ST6GALNAC3: variants seen among roughly 807,000 people sequenced by gnomAD.
ST6GALNAC3 encodes the protein ST6 N-acetylgalactosaminide alpha-2,6-sialyltransferase 3.
A neutral mutation model predicts 32.7 loss-of-function variants in ST6GALNAC3; 25 were observed. The ratio of observed to expected loss-of-function variants is 0.76; its 90% CI spans 0.56 to 1.07. The LOEUF (loss-of-function observed/expected upper bound fraction) is 1.07, where lower values mean the gene tolerates loss of function less well. Among genes scored for constraint, ST6GALNAC3 ranks in the 50% least tolerant of loss-of-function variants. ST6GALNAC3 has a pLI of 0.00. For missense variants in ST6GALNAC3, 355 were observed against 382.4 expected, an observed-to-expected ratio of 0.93 and a Z score of 0.60; for synonymous variants, 129 against 133.1, an observed-to-expected ratio of 0.97 and a Z score of 0.21.
intron 3 of ST6GALNAC3, among the ~76,000 whole-genome samples, chr1:76,434,931 C>T (rs1322992284): frequency 2.0e-5 from 3 of 151,758 alleles, no homozygotes; most frequent in Non-Finnish European, 2.9e-5. Context: ...GCTGGGACTA[C>T]AGGCATGCAT....
At chr1:76,219,777 G>A (rs1325447365) in intron 1 of ST6GALNAC3, among the ~76,000 whole-genome samples, 2 of 152,120 alleles carry the variant, frequency 1.3e-5, no homozygotes, top group African/African-American at 4.8e-5. Flanking sequence ...CAAATTCTGT[G>A]GTTGAAAAGG....
chr1:76,372,072 C>A (rs1013041215), intron 2 of ST6GALNAC3, among the ~76,000 whole-genome samples: 1 of 152,104 alleles, frequency 6.6e-6, no homozygotes, highest in Non-Finnish European at 1.5e-5. Context: ...CTAGCCTTAT[C>A]TGGGGAGAAC....
chr1:76,241,074 C>T (rs1656934104), intron 1 of ST6GALNAC3, among the ~76,000 whole-genome samples: 1 of 152,140 alleles, frequency 6.6e-6, no homozygotes, highest in South Asian at 2.1e-4. Flanking sequence ...TACTCACTTG[C>T]AAAATGTGTC....
At chr1:76,277,561 TATATATAC>T (rs1369100050) in intron 1 of ST6GALNAC3, among the ~76,000 whole-genome samples, 1 of 66,860 alleles carries the variant, frequency 1.5e-5, no homozygotes, top group Non-Finnish European at 2.8e-5. Flanking sequence ...TATATATATA[TATATATAC>T]ACACACACAT....
In ST6GALNAC3 at chr1:76,600,400, C is replaced by A. The variant is rs142402649; in HGVS notation, c.624-27052C>A. 1.7e-3 allele frequency among the ~76,000 whole-genome samples: 254 copies of A among 148,970 alleles called. 3 individuals carry two copies. The highest frequency in any genetic ancestry group is 2.2e-4 in the Non-Finnish European group (15 of 67,340). On this transcript the variant is annotated intron_variant, in intron 3 of 4. Transcript: ENST00000328299. The stretch of plus-strand genomic sequence containing the variant: ...TAGTCTGGAAATGGGACCGCCTTCA[C>A]CTTTCCCAAGTGAAAAGTCAAATTT...
intron 1 of ST6GALNAC3, among the ~76,000 whole-genome samples, chr1:76,245,328 CTTT>C (rs1311704445): frequency 6.6e-6 from 1 of 151,958 alleles, no homozygotes; most frequent in Non-Finnish European, 1.5e-5. Context: ...CTCTTTTCTT[CTTT>C]ATTAGTCTAG....
intron 1 of ST6GALNAC3, among the ~76,000 whole-genome samples, chr1:76,086,943 C>G (rs982084952): frequency 2.6e-5 from 4 of 152,156 alleles, no homozygotes; most frequent in African/African-American, 9.7e-5. Context: ...AAAATTCATT[C>G]CCCAGAACCA....
intron 1 of ST6GALNAC3, among the ~76,000 whole-genome samples, chr1:76,162,503 A>G (rs1651874878): frequency 1.3e-5 from 2 of 152,192 alleles, no homozygotes; most frequent in African/African-American, 2.4e-5. Flanking sequence ...TTAATTAGCT[A>G]TTTTAAGCCC....
At chr1:76,536,654 CAAAAAAA>C (rs35157329) in intron 3 of ST6GALNAC3, among the ~76,000 whole-genome samples, 2 of 57,620 alleles carry the variant, frequency 3.5e-5, no homozygotes, top group East Asian at 6.9e-4. Context: ...AAATGGAAAG[CAAAAAAA>C]AAAAAAAAAA....
intron 1 of ST6GALNAC3, among the ~76,000 whole-genome samples, chr1:76,311,622 A>G (rs929590497): frequency 1.3e-5 from 2 of 151,894 alleles, no homozygotes; most frequent in Non-Finnish European, 2.9e-5. Flanking sequence ...ATCCTTTTTT[A>G]TGGCTGTGTA....
At chr1:76,112,867 C>G (rs1648154169) in intron 1 of ST6GALNAC3, among the ~76,000 whole-genome samples, 1 of 151,452 alleles carries the variant, frequency 6.6e-6, no homozygotes, top group Admixed American at 6.6e-5. Context: ...GGCAGCCAGG[C>G]AGAGAGGCTC....
intron 2 of ST6GALNAC3, among the ~76,000 whole-genome samples, chr1:76,383,987 A>G (rs1003174900): frequency 1.3e-5 from 2 of 152,166 alleles, no homozygotes. Flanking sequence ...GGAGAAAAAT[A>G]TAGGACCAAA....
At chr1:76,307,275 G>T (rs1661118046) in intron 1 of ST6GALNAC3, among the ~76,000 whole-genome samples, 1 of 152,094 alleles carries the variant, frequency 6.6e-6, no homozygotes, top group South Asian at 2.1e-4. Context: ...GATACACCCA[G>T]ATTTTTGATT....
chr1:76,121,235 C>G (rs1648851160), intron 1 of ST6GALNAC3, among the ~76,000 whole-genome samples: 1 of 152,194 alleles, frequency 6.6e-6, no homozygotes, highest in South Asian at 2.1e-4. Context: ...CAATCTTCTG[C>G]TTACTACAAG....
intron 3 of ST6GALNAC3, 137 bp from the exon 4 acceptor site, chr1:76,627,315 A>G (rs1649026738): frequency 3.2e-6 from 2 of 618,630 alleles, no homozygotes; most frequent in East Asian, 5.2e-5. Flanking sequence ...CATATTGTCA[A>G]GTTTCTCAAC....
chr1:76,504,323 T>C (rs1263129930), intron 3 of ST6GALNAC3, among the ~76,000 whole-genome samples: 1 of 152,168 alleles, frequency 6.6e-6, no homozygotes, highest in Non-Finnish European at 1.5e-5. Context: ...AACTTGTGAT[T>C]GGATTTAAGG....
intron 1 of ST6GALNAC3, among the ~76,000 whole-genome samples, chr1:76,245,600 C>T (rs1417336211): frequency 6.6e-6 from 1 of 151,936 alleles, no homozygotes; most frequent in Non-Finnish European, 1.5e-5. Flanking sequence ...TACTACTTTA[C>T]CTGTGTCCCA....
At chr1:76,506,438 T>C (rs909642653) in intron 3 of ST6GALNAC3, among the ~76,000 whole-genome samples, 1 of 152,182 alleles carries the variant, frequency 6.6e-6, no homozygotes, top group African/African-American at 2.4e-5. Context: ...AGGCTTTCTT[T>C]CCCTGGCTGT....
chr1:76,479,785 G>C (rs1289265734), intron 3 of ST6GALNAC3, among the ~76,000 whole-genome samples: 2 of 151,988 alleles, frequency 1.3e-5, no homozygotes, highest in Non-Finnish European at 2.9e-5. Context: ...TCAAATCATA[G>C]CAACTCCTTA....
Sources: gnomAD v4.1 joint callset for allele counts (sites outside exome capture counted in the v4.1 genomes callset) on GRCh38, gnomAD v4.1.1 for gene constraint, MANE v1.5 for transcripts, NCBI Gene and HGNC (gene_info 2026-07-23, HGNC 2026-07-21) for gene names.